Variants in GMIP observed in about 807,000 individuals in gnomAD.
GMIP encodes GEM interacting protein, also known as GEM-interacting protein.
In GMIP, 54 loss-of-function variants were observed where a neutral mutation model predicts 105.3. That is an observed-to-expected ratio of 0.51 (90% CI 0.41 to 0.64). The LOEUF is 0.64. GMIP is among the 30% of genes least tolerant of loss of function. The pLI is 0.00. For missense variants in GMIP, 1,110 were observed against 1,319.4 expected (o/e 0.84, Z 2.46); for synonymous variants, 541 against 560.8 (o/e 0.96, Z 0.50).
At chr19:19,642,827 G>C (rs903601091) in intron 1 of GMIP, among the ~76,000 whole-genome samples, 5 of 152,050 alleles carry the variant, frequency 3.3e-5, no homozygotes, top group Admixed American at 6.6e-5. Flanking sequence ...TCGGGGAACA[G>C]AGACACCCAC....
At position 19,635,930 on chromosome 19, in the gene GMIP, G is replaced by T. The variant is rs975694167; in HGVS notation, c.1328-209C>A. On this transcript the variant is annotated intron_variant, in intron 13 of 20. Coordinates refer to ENST00000203556, the MANE Select transcript of GMIP (RefSeq NM_016573.4). The surrounding 1 kb of genome is among the most constrained non-coding windows in gnomAD (Gnocchi z 4.7). The stretch of plus-strand genomic sequence containing the variant: ...AAGAGGTTGAGGAAATAGGCCGGGC[G>T]CAGTGGCTCACACCTGTAATCCCAG... 1.3e-5 allele frequency among the ~76,000 whole-genome samples: 2 copies of T among 152,182 alleles called. No homozygotes were observed. Among genetic ancestry groups the T allele is most frequent in the African/African-American group, 4.8e-5 (2 of 41,456 alleles).
At position 19,630,464 on chromosome 19, in the gene GMIP, TACTC is replaced by T; in HGVS notation, c.2539+3_2539+6del. The T allele has an allele frequency of 1.9e-6, 3 of 1,613,554 alleles. No individual in the cohort carries two copies. Among genetic ancestry groups the T allele is most frequent in the East Asian group, 4.5e-5 (2 of 44,872 alleles). On this transcript the variant is annotated splice_donor_5th_base_variant and intron_variant, in intron 20 of 20. Coordinates refer to ENST00000203556, the MANE Select transcript of GMIP (RefSeq NM_016573.4). This position sits in a 1 kb window ranked among gnomAD's most constrained non-coding sequence, Gnocchi z 4.8. ...AGAACTCCTGAGCCTCTCTCTAACA[TACTC>T]ACCTTCCCCTCCCCCATCTTTGGTG... is the stretch of plus-strand genomic sequence containing the variant.
Position 19,643,577 on chromosome 19 carries a change from C to T in GMIP, c.-48G>A. On this transcript the variant is annotated 5_prime_UTR_variant, in exon 1 of 21. Transcript: ENST00000203556. ...GCAGGGACCGGGATGGGGATGGGGTCGCGCGCCGGCGGGGCCGAGCCCCGA... is the reference window on the plus strand; with the variant it reads ...GCAGGGACCGGGATGGGGATGGGGTTGCGCGCCGGCGGGGCCGAGCCCCGA... 3 of 1,497,362 alleles carry T rather than the reference C, an allele frequency of 2.0e-6. No homozygotes were observed. The highest frequency in any genetic ancestry group is 2.7e-6 in the Non-Finnish European group (3 of 1,114,686). 92.8% of individuals were successfully genotyped at this position (1,497,362 alleles called of 1,614,324 possible).
At position 19,637,077 on chromosome 19, in the gene GMIP, G is replaced by A; in HGVS notation, c.1125-48C>T. ...GTTTGAATCCCAGGAAACTGGCCTG[G>A]GGTGATGGCACCCAGGCATCATGTC... On this transcript the variant is annotated intron_variant, in intron 11 of 20. Coordinates refer to ENST00000203556, the MANE Select transcript of GMIP (RefSeq NM_016573.4). This position sits in a 1 kb window ranked among gnomAD's most constrained non-coding sequence, Gnocchi z 6.7. 7.9e-7 allele frequency: 1 copy of A among 1,266,854 alleles called. No individual in the cohort carries two copies. Among genetic ancestry groups the A allele is most frequent in the Non-Finnish European group, 1.1e-6 (1 of 890,472 alleles). The allele number at this position is 1,266,854 out of a possible 1,614,324, so 78.5% of individuals were successfully genotyped here.
Position 19,630,079 on chromosome 19 carries a change from G to T in GMIP, c.2797C>A (p.His933Asn). 6.2e-7 allele frequency: 1 copy of T among 1,610,774 alleles called. No individual in the cohort carries two copies. ...GCTGTCTCCTGGGTAATCTCAAAAT[G>T]CTTGGGCAGCGGGGTGCGGCGCAGG... ...SPLRRTPLPK[H>N]FEITQETARL... The change falls in exon 21 of 21, where the codon CAT becomes AAT. Residue 933 changes from histidine (H) to asparagine (N), a missense_variant. By Grantham distance (68) the His-to-Asn change is moderately conservative. Around this residue, in one of 3 missense-constraint regions of GMIP, gnomAD observed 394 missense variants for 450.5 expected, o/e 0.87. Coordinates refer to ENST00000203556, the MANE Select transcript of GMIP (RefSeq NM_016573.4). The surrounding 1 kb of genome is among the most constrained non-coding windows in gnomAD (Gnocchi z 4.8).
rs1246497637 is a variant in GMIP at position 19,634,616 on chromosome 19, C to T, written c.1975G>A (p.Gly659Arg). 16 of 1,613,588 alleles carry T rather than the reference C, an allele frequency of 9.9e-6. No individual in the cohort carries two copies. The highest frequency in any genetic ancestry group is 1.4e-5 in the Non-Finnish European group (16 of 1,179,852). Reference protein sequence around the residue: ...TLHADPGDDPGTPSPSPEVIR... With the variant: ...TLHADPGDDPRTPSPSPEVIR... ...ACCTCAGGGCTGGGGCTGGGGGTCC[C>T]AGGGTCGTCCCCAGGGTCTGCATGC... The change falls in exon 18 of 21, where the codon GGG (glycine) becomes AGG (arginine). Residue 659 changes from glycine (G) to arginine (R), a missense_variant. Physicochemically the swap from Gly to Arg is moderately radical, Grantham distance 125 (BLOSUM62 -2). Transcript: ENST00000203556. This position sits in a 1 kb window ranked among gnomAD's most constrained non-coding sequence, Gnocchi z 6.1.
At chr19:19,640,894 T>G (rs571041273) in intron 4 of GMIP, among the ~76,000 whole-genome samples, 1 of 152,030 alleles carries the variant, frequency 6.6e-6, no homozygotes, top group East Asian at 1.9e-4. Flanking sequence ...GCCTCCTGAG[T>G]AGCTGGGATT....
chr19:19,641,204 C>T (rs2061915535), intron 4 of GMIP, among the ~76,000 whole-genome samples: 1 of 152,188 alleles, frequency 6.6e-6, no homozygotes, highest in Non-Finnish European at 1.5e-5. Context: ...CCTCAGCCTC[C>T]CGAGTATCTG....
rs1008214189 is a variant in GMIP, at chr19:19,636,245, G to A, written c.1327+462C>T. Reference sequence around the variant, plus strand: ...AAGAAAGAAAAGAAAAGAAAAGGCCGGGCGTGGTGGCACACACCTGTAATC... The same window carrying A: ...AAGAAAGAAAAGAAAAGAAAAGGCCAGGCGTGGTGGCACACACCTGTAATC... On this transcript the variant is annotated intron_variant, in intron 13 of 20. Transcript: ENST00000203556. 6.0e-5 allele frequency among the ~76,000 whole-genome samples: 9 copies of A among 151,200 alleles called. No homozygotes were observed. In the South Asian group the frequency reaches 8.3e-4, roughly 14 times the overall value.
At chr19:19,642,441 G>A in intron 2 of GMIP, 94 bp downstream of exon 2, 1 of 760,162 alleles carries the variant, frequency 1.3e-6, no homozygotes, top group Middle Eastern at 2.4e-4. Flanking sequence ...AGGTCCAGAT[G>A]TTACAGGTTC....
chr19:19,641,805 C>G lies in GMIP; in HGVS notation c.238+5G>C, dbSNP rs754620625. 54 of 1,606,718 alleles carry G rather than the reference C, an allele frequency of 3.4e-5. No individual in the cohort carries two copies. The highest frequency in any genetic ancestry group is 4.5e-5 in the Non-Finnish European group (53 of 1,175,752). ...CCCACTGTCCTGGCCTCCAGACCCCCCTACCTGTGAGGGGTACAGGACCCT... is the reference window on the plus strand; with the variant it reads ...CCCACTGTCCTGGCCTCCAGACCCCGCTACCTGTGAGGGGTACAGGACCCT... On this transcript the variant is annotated splice_donor_5th_base_variant and intron_variant, in intron 4 of 20. Coordinates refer to ENST00000203556, the MANE Select transcript of GMIP (RefSeq NM_016573.4).
Position 19,630,162 on chromosome 19 carries a change from C to G in GMIP, c.2714G>C (p.Arg905Thr), listed in dbSNP as rs34236210. Reference protein sequence around the residue: ...CEETPITSVPRGSLRGRGPSP... With the variant: ...CEETPITSVPTGSLRGRGPSP... ...GGGCCCCCGCCCCCGCAAACTCCCT[C>G]TGGGCACTGATGTGATGGGGGTCTC... The change falls in exon 21 of 21, where the codon AGA becomes ACA. Residue 905 changes from arginine (R) to threonine (T), a missense_variant. Physicochemically the swap from Arg to Thr is moderately conservative, Grantham distance 71 (BLOSUM62 -1). Transcript: ENST00000203556. The surrounding 1 kb of genome is among the most constrained non-coding windows in gnomAD (Gnocchi z 4.8). 5.0e-6 allele frequency: 8 copies of G among 1,604,982 alleles called. No homozygotes were observed. In the Admixed American group the frequency reaches 5.1e-5, roughly 10 times the overall value.
In GMIP at chr19:19,642,586, T is replaced by A. The variant is rs771585861; in HGVS notation, c.53A>T (p.Tyr18Phe). Reference sequence around the variant, plus strand: ...GTCCAGGCTCCGGAAGATGTCACTGTACCTCTTCCTGCCCTCAGGACCTGG... The same window carrying A: ...GTCCAGGCTCCGGAAGATGTCACTGAACCTCTTCCTGCCCTCAGGACCTGG... ...LPPGPEGRKR[Y>F]SDIFRSLDNL... Residue 18 changes from tyrosine (Y) to phenylalanine (F), a missense_variant, in exon 2 of 21, where the codon TAC becomes TTC. Around this residue, in one of 3 missense-constraint regions of GMIP, gnomAD observed 667 missense variants for 773.2 expected, o/e 0.86. Transcript: ENST00000203556. 1 of 1,608,972 alleles carries A rather than the reference T, an allele frequency of 6.2e-7. No homozygotes were observed. Among genetic ancestry groups the A allele is most frequent in the Admixed American group, 1.7e-5 (1 of 59,924 alleles).
intron 2 of GMIP, 107 bp from the exon 3 acceptor site, chr19:19,642,158 C>T: frequency 1.5e-6 from 1 of 663,508 alleles, no homozygotes; most frequent in South Asian, 1.9e-5. Flanking sequence ...TCTGTGGCAT[C>T]TCTTGTGTCT....
chr19:19,634,739 G>A lies in GMIP; in HGVS notation c.1888-36C>T. On this transcript the variant is annotated intron_variant, in intron 17 of 20. Transcript: ENST00000203556. The surrounding 1 kb of genome is among the most constrained non-coding windows in gnomAD (Gnocchi z 6.1). Reference sequence around the variant, plus strand: ...AACGGAGGGCGCAACACGAGTGTGGGTGGGCTGTGGAGGGCTCCTGCCCGC... The same window carrying A: ...AACGGAGGGCGCAACACGAGTGTGGATGGGCTGTGGAGGGCTCCTGCCCGC... 6.2e-7 allele frequency: 1 copy of A among 1,609,436 alleles called. No homozygotes were observed. The highest frequency in any genetic ancestry group is 8.5e-7 in the Non-Finnish European group (1 of 1,176,720).
chr19:19,635,248 A>G lies in GMIP; in HGVS notation c.1561-35T>C, dbSNP rs1441063278. The G allele has an allele frequency of 2.5e-6, 4 of 1,575,320 alleles. No individual in the cohort carries two copies. In the South Asian group the frequency reaches 3.4e-5, roughly 13 times the overall value. On this transcript the variant is annotated intron_variant, in intron 15 of 20. Transcript: ENST00000203556. The surrounding 1 kb of genome is among the most constrained non-coding windows in gnomAD (Gnocchi z 4.7). The stretch of plus-strand genomic sequence containing the variant: ...AGGTCACAGGGACAGGGAGGTCATT[A>G]GGGACCAGTAGGGGAAGAGAAGGTT...
At position 19,630,579 on chromosome 19, in the gene GMIP, C is replaced by T. The variant is rs755902001; in HGVS notation, c.2473-42G>A. The T allele has an allele frequency of 9.1e-6, 14 of 1,546,058 alleles. No individual in the cohort carries two copies. The highest frequency in any genetic ancestry group is 2.2e-5 in the East Asian group (1 of 44,586). On this transcript the variant is annotated intron_variant, in intron 19 of 20. Transcript: ENST00000203556. This position sits in a 1 kb window ranked among gnomAD's most constrained non-coding sequence, Gnocchi z 4.8. Reference sequence around the variant, plus strand: ...AAGAATGAGACCCCAACACTAAAATCCCAGTTCTTTGAGATTCCTGGAGAG... The same window carrying T: ...AAGAATGAGACCCCAACACTAAAATTCCAGTTCTTTGAGATTCCTGGAGAG...
chr19:19,643,629 C>A lies in GMIP; in HGVS notation c.-100G>T. 2 of 1,071,582 alleles carry A rather than the reference C, an allele frequency of 1.9e-6. No individual in the cohort carries two copies. Among genetic ancestry groups the A allele is most frequent in the Non-Finnish European group, 1.3e-6 (1 of 750,388 alleles). 66.4% of individuals were successfully genotyped at this position (1,071,582 alleles called of 1,614,324 possible). A position where few individuals can be genotyped will look rare whatever the true frequency, so the allele number is the denominator to read the frequency against. On this transcript the variant is annotated 5_prime_UTR_variant, in exon 1 of 21. Transcript: ENST00000203556. ...TTCCTGCCGCCGCAGCCGCCGCCGCCGCCTCGGTTCCGCGTCGCCCTGCCC... is the reference window on the plus strand; with the variant it reads ...TTCCTGCCGCCGCAGCCGCCGCCGCAGCCTCGGTTCCGCGTCGCCCTGCCC...
Position 19,635,773 on chromosome 19 carries a change from G to A in GMIP, c.1328-52C>T, listed in dbSNP as rs1451798641. 2.0e-6 allele frequency: 3 copies of A among 1,469,478 alleles called. No homozygotes were observed. Among genetic ancestry groups the A allele is most frequent in the Admixed American group, 1.7e-5 (1 of 59,790 alleles). The allele number at this position is 1,469,478 out of a possible 1,614,324, so 91.0% of individuals were successfully genotyped here. A position where few individuals can be genotyped will look rare whatever the true frequency, so the allele number is the denominator to read the frequency against. Reference sequence around the variant, plus strand: ...TCCTGGGCTATGGGAGGCACTCCTGGTTTTTAGGGCTTCCAGAACCACCCA... The same window carrying A: ...TCCTGGGCTATGGGAGGCACTCCTGATTTTTAGGGCTTCCAGAACCACCCA... On this transcript the variant is annotated intron_variant, in intron 13 of 20. Transcript: ENST00000203556. The surrounding 1 kb of genome is among the most constrained non-coding windows in gnomAD (Gnocchi z 4.7).
Sources: gnomAD v4.1 joint callset for allele counts (sites outside exome capture counted in the v4.1 genomes callset) on GRCh38, gnomAD v4.1.1 for gene constraint, gnomAD v4.1.1 regional missense constraint, Gnocchi (gnomAD v3.1) non-coding constraint, MANE v1.5 for transcripts, NCBI Gene and HGNC (gene_info 2026-07-23, HGNC 2026-07-21) for gene names.